The following HMG20A variants were observed in gnomAD, a reference collection of about 807,000 sequenced individuals.
The protein encoded by HMG20A is high mobility group 20A, also known as high mobility group protein 20A.
HMG20A carries 17 observed loss-of-function variants against 43.9 expected under a neutral mutation model. That is an observed-to-expected ratio of 0.39 (90% confidence interval 0.27 to 0.58). The LOEUF (loss-of-function observed/expected upper bound fraction) is 0.58. Ranked by LOEUF, HMG20A falls within the 20% of genes least tolerant of loss-of-function variation. The pLI is 0.59. For synonymous variants in HMG20A, 132 were observed against 147.5 expected (o/e 0.89, Z 0.76); for missense variants, 341 against 438.2 (o/e 0.78, Z 1.98).
chr15:77,434,666 T>C (rs887037863), intron 1 of HMG20A, among the ~76,000 whole-genome samples: 46 of 152,194 alleles, frequency 3.0e-4, no homozygotes, highest in African/African-American at 8.4e-4. Flanking sequence ...CACAGTGAGA[T>C]ACTTGGGACC....
rs537983916 is a variant in HMG20A at position 77,430,975 on chromosome 15, T to G, written c.-5+9971T>G. On this transcript the variant is annotated intron_variant, in intron 1 of 9. Coordinates refer to ENST00000336216, the MANE Select transcript of HMG20A (RefSeq NM_001304504.2). ...CGATGACAAATATCAAGCCATGGAT[T>G]TGAAAAGTGCAAGAAACGACAAGCA... is the stretch of plus-strand genomic sequence containing the variant. Among the ~76,000 whole-genome samples the G allele has an allele frequency of 2.6e-5, 4 of 152,216 alleles. No homozygotes were observed. The East Asian group carries it at 7.7e-4, about 29-fold the overall frequency.
At chr15:77,433,825 T>C (rs918464441) in intron 1 of HMG20A, among the ~76,000 whole-genome samples, 1 of 152,236 alleles carries the variant, frequency 6.6e-6, no homozygotes, top group Non-Finnish European at 1.5e-5. Context: ...CAAATTGCTC[T>C]ATAGATTAAA....
intron 2 of HMG20A, among the ~76,000 whole-genome samples, chr15:77,459,318 T>C (rs984184809): frequency 5.9e-5 from 9 of 152,316 alleles, no homozygotes; most frequent in African/African-American, 2.2e-4. Context: ...GTAAAAACTT[T>C]CTGAGTATCT....
chr15:77,446,875 T>A (rs915452583), intron 1 of HMG20A, among the ~76,000 whole-genome samples: 4 of 152,130 alleles, frequency 2.6e-5, no homozygotes, highest in Non-Finnish European at 4.4e-5. Flanking sequence ...TTGTGCTTTG[T>A]GTACTTAAAA....
At chr15:77,497,409 C>A in the HMG20A span, among the ~76,000 whole-genome samples, 2 of 152,240 alleles carry the variant, frequency 1.3e-5, no homozygotes, top group African/African-American at 2.4e-5. Flanking sequence ...CCTGAGAATG[C>A]AGCTTCTGGA....
intron 6 of HMG20A, among the ~76,000 whole-genome samples, chr15:77,477,118 C>T (rs2072863390): frequency 6.6e-6 from 1 of 152,186 alleles, no homozygotes; most frequent in Non-Finnish European, 1.5e-5. Flanking sequence ...TTATTGTCCA[C>T]TCTGCAAATT....
chr15:77,509,575 T>C, the HMG20A span, among the ~76,000 whole-genome samples: 1 of 143,804 alleles, frequency 7.0e-6, no homozygotes, highest in Non-Finnish European at 1.5e-5. Flanking sequence ...TGTGTGTGTG[T>C]GTGTGTGTGT....
chr15:77,477,227 T>C (rs1021322084), intron 6 of HMG20A, among the ~76,000 whole-genome samples: 4 of 152,240 alleles, frequency 2.6e-5, no homozygotes, highest in African/African-American at 9.6e-5. Flanking sequence ...TGCAATCACT[T>C]TCACAACTGT....
At chr15:77,465,275 A>AG (rs1247149192) in intron 3 of HMG20A, among the ~76,000 whole-genome samples, 1 of 149,908 alleles carries the variant, frequency 6.7e-6, no homozygotes, top group Non-Finnish European at 1.5e-5. Flanking sequence ...AAAAAAAAAA[A>AG]AAAAAAAAAA....
At position 77,464,350 on chromosome 15, in the gene HMG20A, A is replaced by G. The variant is rs1396080214; in HGVS notation, c.200A>G (p.Asn67Ser). The change falls in exon 3 of 10, where the codon AAT becomes AGT. Residue 67 changes from asparagine (N) to serine (S), a missense_variant. Coordinates refer to ENST00000336216, the MANE Select transcript of HMG20A (RefSeq NM_001304504.2). ...QGQLLQSESS[N>S]AAEGNEQRHE... Reference sequence around the variant, plus strand: ...CAGTTGCTTCAGAGTGAGTCTTCAAATGCAGCAGAAGGCAATGAACAGAGG... The same window carrying G: ...CAGTTGCTTCAGAGTGAGTCTTCAAGTGCAGCAGAAGGCAATGAACAGAGG... 1.2e-6 allele frequency: 2 copies of G among 1,613,852 alleles called. No homozygotes were observed. Among genetic ancestry groups the G allele is most frequent in the Non-Finnish European group, 1.7e-6 (2 of 1,179,810 alleles).
At position 77,452,956 on chromosome 15, in the gene HMG20A, G is replaced by A. The variant is rs560612664; in HGVS notation, c.-4-5448G>A. Among the ~76,000 whole-genome samples, 188 of 152,322 alleles carry A rather than the reference G, an allele frequency of 1.2e-3. 1 individual carries two copies. Among genetic ancestry groups the A allele is most frequent in the African/African-American group, 4.4e-3 (183 of 41,576 alleles). ...AAATGAGCAAAGGAGGCTGAGTGTG[G>A]TGGCTCACGCCTATAATCTCAACAC... is the stretch of plus-strand genomic sequence containing the variant. On this transcript the variant is annotated intron_variant, in intron 1 of 9. Coordinates refer to ENST00000336216, the MANE Select transcript of HMG20A (RefSeq NM_001304504.2).
the HMG20A span, among the ~76,000 whole-genome samples, chr15:77,491,617 T>G: frequency 6.6e-6 from 1 of 152,132 alleles, no homozygotes; most frequent in Non-Finnish European, 1.5e-5. Context: ...CTAACTACAA[T>G]AGGGTCTGAT....
intron 1 of HMG20A, among the ~76,000 whole-genome samples, chr15:77,438,264 C>T (rs1406487809): frequency 4.0e-5 from 6 of 150,598 alleles, no homozygotes; most frequent in East Asian, 3.9e-4. Flanking sequence ...CAGGTGTGAG[C>T]GACTGGACCC....
chr15:77,492,303 T>G, the HMG20A span, among the ~76,000 whole-genome samples: 5 of 152,236 alleles, frequency 3.3e-5, no homozygotes, highest in African/African-American at 7.2e-5. Flanking sequence ...TGAAAATATC[T>G]GTGATCTTGT....
rs188792933 is a variant in HMG20A, at chr15:77,484,035, A to T, written c.*1072A>T. ...TAACTGCTGAATCCATGTGAGGAAGACAGGCTTCCCTTCCTTCCCCCTCCT... is the reference window on the plus strand; with the variant it reads ...TAACTGCTGAATCCATGTGAGGAAGTCAGGCTTCCCTTCCTTCCCCCTCCT... On this transcript the variant is annotated 3_prime_UTR_variant, in exon 10 of 10. Transcript: ENST00000336216. 3.8e-4 allele frequency: 58 copies of T among 152,330 alleles called. No homozygotes were observed. The highest frequency in any genetic ancestry group is 1.3e-3 in the African/African-American group (54 of 41,576). 9.4% of individuals were successfully genotyped at this position (152,330 alleles called of 1,614,324 possible).
intron 7 of HMG20A, 190 bp from the exon 8 acceptor site, chr15:77,478,105 T>G (rs1466321556): frequency 3.3e-6 from 2 of 599,698 alleles, no homozygotes; most frequent in Non-Finnish European, 5.9e-6. Context: ...CTTTAAGAAT[T>G]AAAATAGCTC....
At chr15:77,479,072 C>T in intron 8 of HMG20A, 107 bp from the exon 9 acceptor site, 1 of 1,021,514 alleles carries the variant, frequency 9.8e-7, no homozygotes, top group Non-Finnish European at 1.5e-6. Context: ...AAATTAAAAG[C>T]ATGTCTGTGG....
chr15:77,468,600 C>CTG (rs2072779131), intron 4 of HMG20A, among the ~76,000 whole-genome samples: 2 of 80,740 alleles, frequency 2.5e-5, no homozygotes, highest in Admixed American at 1.3e-4. Context: ...CTCTCTGTCA[C>CTG]ACACACACAC....
intron 2 of HMG20A, among the ~76,000 whole-genome samples, chr15:77,461,657 C>T (rs894451216): frequency 3.9e-5 from 6 of 152,152 alleles, no homozygotes; most frequent in Non-Finnish European, 7.3e-5. Flanking sequence ...TTCCTGTCCA[C>T]TTAAGTCAGG....
Sources: gnomAD v4.1 joint callset for allele counts (sites outside exome capture counted in the v4.1 genomes callset) on GRCh38, gnomAD v4.1.1 for gene constraint, MANE v1.5 for transcripts, NCBI Gene and HGNC (gene_info 2026-07-23, HGNC 2026-07-21) for gene names.